The following PON3 variants were observed in gnomAD, a reference collection of about 807,000 sequenced individuals.
The protein encoded by PON3 is serum paraoxonase/lactonase 3.
A neutral mutation model predicts 36.3 loss-of-function variants in PON3; 37 were observed. The observed-to-expected ratio is 1.02, with a 90% CI of 0.78 to 1.34. The LOEUF is 1.34. PON3 is among the 40% of genes most tolerant of loss of function. The pLI, the probability that PON3 is intolerant of heterozygous loss-of-function variation, is 0.00. For synonymous variants in PON3, 155 were observed against 154.8 expected (o/e 1.00, Z -0.01); for missense variants, 415 against 426.5 (o/e 0.97, Z 0.24).
At chr7:95,366,559 T>G (rs1165789440) in intron 5 of PON3, among the ~76,000 whole-genome samples, 1 of 152,228 alleles carries the variant, frequency 6.6e-6, no homozygotes, top group Non-Finnish European at 1.5e-5. Context: ...TGGAGCCAGT[T>G]TTTTAATGTT....
chr7:95,361,438 A>G (rs1357430434), intron 8 of PON3, among the ~76,000 whole-genome samples: 2 of 152,110 alleles, frequency 1.3e-5, no homozygotes, highest in South Asian at 2.1e-4. Context: ...TACTTTCTCA[A>G]TGAGGCCTAC....
At chr7:95,383,674 C>A (rs1809117023) in intron 3 of PON3, among the ~76,000 whole-genome samples, 1 of 152,118 alleles carries the variant, frequency 6.6e-6, no homozygotes, top group African/African-American at 2.4e-5. Flanking sequence ...TCAAGGAGAA[C>A]TACAAACCAC....
At chr7:95,371,021 C>A (rs1456799871) in intron 4 of PON3, among the ~76,000 whole-genome samples, 1 of 152,212 alleles carries the variant, frequency 6.6e-6, no homozygotes. Flanking sequence ...CTATTCTGGA[C>A]ACTTCATATA....
At chr7:95,373,887 A>G (rs1808861138) in intron 3 of PON3, among the ~76,000 whole-genome samples, 1 of 152,150 alleles carries the variant, frequency 6.6e-6, no homozygotes, top group Admixed American at 6.5e-5. Flanking sequence ...TGGGCCTTAC[A>G]AGGAACAACA....
chr7:95,374,130 C>A (rs1052269546), intron 3 of PON3, among the ~76,000 whole-genome samples: 10 of 152,162 alleles, frequency 6.6e-5, no homozygotes, highest in Admixed American at 5.2e-4. Context: ...TTGTCTTCCA[C>A]GAAACTGGTC....
rs372200594 is a variant in PON3 at position 95,380,070 on chromosome 7, G to A, written c.202-7732C>T. On this transcript the variant is annotated intron_variant, in intron 3 of 8. Coordinates refer to ENST00000265627, the MANE Select transcript of PON3 (RefSeq NM_000940.3). ...CAATATTCGCTGTTCTGCAGCCTCCGCTGCTGATACCCAGGCAAACAGGGT... is the reference window on the plus strand; with the variant it reads ...CAATATTCGCTGTTCTGCAGCCTCCACTGCTGATACCCAGGCAAACAGGGT... Among the ~76,000 whole-genome samples, 278 of 152,254 alleles carry A rather than the reference G, an allele frequency of 1.8e-3. 15 individuals carry two copies. In the South Asian group the frequency reaches 0.054, roughly 29 times the overall value.
intron 3 of PON3, among the ~76,000 whole-genome samples, chr7:95,375,301 T>C (rs990776794): frequency 6.6e-6 from 1 of 150,612 alleles, no homozygotes. Flanking sequence ...TATGTATATG[T>C]ATACATATAT....
chr7:95,363,268 A>T (rs1808617204), intron 6 of PON3, among the ~76,000 whole-genome samples: 2 of 152,164 alleles, frequency 1.3e-5, no homozygotes, highest in Admixed American at 6.6e-5. Context: ...TTCTACAGGG[A>T]TCATCTTTGC....
chr7:95,381,353 T>C lies in PON3; in HGVS notation c.201+8801A>G, dbSNP rs1809049656. On this transcript the variant is annotated intron_variant, in intron 3 of 8. Transcript: ENST00000265627. Reference sequence around the variant, plus strand: ...ACAGGATCAAATTCACACATAACGATATTAACCTTAAATGTAAATGGGCTA... The same window carrying C: ...ACAGGATCAAATTCACACATAACGACATTAACCTTAAATGTAAATGGGCTA... 2.0e-5 allele frequency among the ~76,000 whole-genome samples: 3 copies of C among 151,534 alleles called. No homozygotes were observed. In the South Asian group the frequency reaches 6.2e-4, roughly 32 times the overall value.
chr7:95,365,008 A>G (rs1182663574), intron 5 of PON3: 1 of 152,224 alleles, frequency 6.6e-6, no homozygotes, highest in Non-Finnish European at 1.5e-5. Flanking sequence ...GTTTTGACAT[A>G]TAATGACTTT....
chr7:95,364,233 C>T (rs1464238052), intron 5 of PON3, 170 bp from the exon 6 acceptor site: 5 of 625,810 alleles, frequency 8.0e-6, no homozygotes, highest in Non-Finnish European at 1.1e-5. Flanking sequence ...TCTGCATTGC[C>T]CTGATGGGTT....
At chr7:95,377,986 ATC>A (rs1808958171) in intron 3 of PON3, among the ~76,000 whole-genome samples, 1 of 152,194 alleles carries the variant, frequency 6.6e-6, no homozygotes, top group Non-Finnish European at 1.5e-5. Flanking sequence ...GTTCTAACCC[ATC>A]ACAAGGAAGC....
At position 95,360,165 on chromosome 7, in the gene PON3, G is replaced by T. The variant is rs368691103; in HGVS notation, c.907-34C>A. The stretch of plus-strand genomic sequence containing the variant: ...AAAAGATCGTTTATTAGTATATTAT[G>T]TGAGTAAACACCTGTTTCATGATGT... On this transcript the variant is annotated intron_variant, in intron 8 of 8. Coordinates refer to ENST00000265627, the MANE Select transcript of PON3 (RefSeq NM_000940.3). 10 of 1,569,148 alleles carry T rather than the reference G, an allele frequency of 6.4e-6. No homozygotes were observed. In the African/African-American group the frequency reaches 1.2e-4, roughly 19 times the overall value.
At chr7:95,362,969 A>G in intron 6 of PON3, 128 bp from the exon 7 acceptor site, 1 of 706,560 alleles carries the variant, frequency 1.4e-6, no homozygotes, top group Non-Finnish European at 2.6e-6. Context: ...TCTAAACCAC[A>G]GTAAAAGAAG....
chr7:95,360,432 G>A (rs17878798), intron 8 of PON3, among the ~76,000 whole-genome samples: 5,486 of 152,138 alleles, frequency 0.036, 328 homozygotes, highest in African/African-American at 0.12. Flanking sequence ...AGTGGATGGT[G>A]GTCCTCCCTC....
intron 2 of PON3, among the ~76,000 whole-genome samples, chr7:95,393,864 T>A (rs1809372772): frequency 6.6e-6 from 1 of 152,170 alleles, no homozygotes; most frequent in African/African-American, 2.4e-5. Flanking sequence ...TGAATTTTTT[T>A]AAAAGAAGGT....
At chr7:95,368,814 CAAAA>C (rs11388951) in intron 4 of PON3, among the ~76,000 whole-genome samples, 4 of 133,112 alleles carry the variant, frequency 3.0e-5, no homozygotes, top group Admixed American at 7.4e-5. Context: ...CAAAAACAAA[CAAAA>C]AAAAAAAAAA....
rs1808602473 is a variant in PON3 at position 95,362,792 on chromosome 7, T to C, written c.745A>G (p.Lys249Glu). ...VAAKNIHIME[K>E]HDNWDLTQLK... ...TGAGTTAAATCCCAGTTATCATGTT[T>C]TTCCATTATGTGAATGTTCTTAGCT... The change falls in exon 7 of 9, where the codon AAA (lysine) becomes GAA (glutamate). Residue 249 changes from lysine (K) to glutamate (E), a missense_variant. Lys to Glu is a moderately conservative substitution (Grantham distance 56). Transcript: ENST00000265627. 5 of 1,611,982 alleles carry C rather than the reference T, an allele frequency of 3.1e-6. No homozygotes were observed. The Admixed American group carries it at 6.7e-5, about 22-fold the overall frequency.
At chr7:95,360,530 CA>C (rs1808543917) in intron 8 of PON3, among the ~76,000 whole-genome samples, 1 of 152,128 alleles carries the variant, frequency 6.6e-6, no homozygotes, top group Non-Finnish European at 1.5e-5. Flanking sequence ...CCAGCCAACC[CA>C]ACATGGTAAC....
Sources: gnomAD v4.1 joint callset for allele counts (sites outside exome capture counted in the v4.1 genomes callset) on GRCh38, gnomAD v4.1.1 for gene constraint, MANE v1.5 for transcripts, NCBI Gene and HGNC (gene_info 2026-07-23, HGNC 2026-07-21) for gene names.